Variants in MED27 observed in about 807,000 individuals in gnomAD.
MED27 encodes mediator of RNA polymerase II transcription subunit 27.
In MED27, 30 loss-of-function variants were observed where a neutral mutation model predicts 38.2. The observed-to-expected ratio is 0.79, with a 90% CI of 0.59 to 1.07. The LOEUF (loss-of-function observed/expected upper bound fraction) is 1.07. Among genes scored for constraint, MED27 ranks in the 50% least tolerant of loss-of-function variants. MED27 has a pLI of 0.00. For missense variants in MED27, 289 were observed against 397.5 expected (o/e 0.73, Z 2.32); for synonymous variants, 122 against 153.5 (o/e 0.79, Z 1.52).
intron 3 of MED27, among the ~76,000 whole-genome samples, chr9:132,010,629 A>G (rs1158664230): frequency 1.3e-5 from 2 of 152,262 alleles, no homozygotes; most frequent in East Asian, 3.8e-4. Context: ...CTTGGAACCA[A>G]CCTAAATGTC....
rs1343056662 is a variant in MED27, at chr9:131,917,118, AT to A, written c.573+22262del. On this transcript the variant is annotated intron_variant, in intron 4 of 7. Coordinates refer to ENST00000292035, the MANE Select transcript of MED27 (RefSeq NM_004269.4). This position sits in a 1 kb window ranked among gnomAD's most constrained non-coding sequence, Gnocchi z 4.6. ...AAGGAGCCCCTGGAAATGGGAAGGTATTTTTGCTTGTCACAGTAAGTCAGGG... is the reference window on the plus strand; with the variant it reads ...AAGGAGCCCCTGGAAATGGGAAGGTATTTTGCTTGTCACAGTAAGTCAGGG... 6.6e-6 allele frequency among the ~76,000 whole-genome samples: 1 copy of A among 152,140 alleles called. No individual in the cohort carries two copies. The highest frequency in any genetic ancestry group is 2.4e-5 in the African/African-American group (1 of 41,430).
At chr9:131,874,541 T>G (rs1589174567) in intron 6 of MED27, among the ~76,000 whole-genome samples, 1 of 148,310 alleles carries the variant, frequency 6.7e-6, no homozygotes, top group South Asian at 2.1e-4. Context: ...GGGAGCGGAG[T>G]GAGAGGGAAG....
At chr9:131,980,791 C>A (rs1831717255) in intron 3 of MED27, among the ~76,000 whole-genome samples, 1 of 151,906 alleles carries the variant, frequency 6.6e-6, no homozygotes. Context: ...AACCACTTCA[C>A]TGCTGCTCCA....
At chr9:132,076,580 T>C (rs1834053719) in intron 2 of MED27, among the ~76,000 whole-genome samples, 1 of 152,062 alleles carries the variant, frequency 6.6e-6, no homozygotes, top group South Asian at 2.1e-4. Context: ...AATGGATTAC[T>C]GGAGGGGGCA....
chr9:131,882,511 A>G (rs1014387118), intron 6 of MED27, among the ~76,000 whole-genome samples: 2 of 152,262 alleles, frequency 1.3e-5, no homozygotes, highest in African/African-American at 4.8e-5. Flanking sequence ...CACTGTGGAC[A>G]CAACCATTCT....
Position 131,997,557 on chromosome 9 carries a change from C to T in MED27, c.479+16780G>A, listed in dbSNP as rs1564317764. The stretch of plus-strand genomic sequence containing the variant: ...CTGCACTGTAGGCTGCCATCTCCCC[C>T]AGCAGTCCTGCTTCCTCCCACTTTC... On this transcript the variant is annotated intron_variant, in intron 3 of 7. Coordinates refer to ENST00000292035, the MANE Select transcript of MED27 (RefSeq NM_004269.4). This position sits in a 1 kb window ranked among gnomAD's most constrained non-coding sequence, Gnocchi z 4.0. Among the ~76,000 whole-genome samples the T allele has an allele frequency of 6.6e-6, 1 of 152,230 alleles. No individual in the cohort carries two copies. Among genetic ancestry groups the T allele is most frequent in the South Asian group, 2.1e-4 (1 of 4,836 alleles).
At chr9:131,902,858 C>T (rs769058548) in intron 4 of MED27, among the ~76,000 whole-genome samples, 7 of 152,178 alleles carry the variant, frequency 4.6e-5, no homozygotes, top group Non-Finnish European at 7.3e-5. Context: ...CAGAAACCAA[C>T]GTGCCAGCAA....
intron 2 of MED27, among the ~76,000 whole-genome samples, chr9:132,050,837 C>T (rs1417994712): frequency 6.6e-6 from 1 of 152,332 alleles, no homozygotes; most frequent in African/African-American, 2.4e-5. Context: ...TTTGTCTCCC[C>T]CGGCAGAATG....
intron 3 of MED27, among the ~76,000 whole-genome samples, chr9:131,961,465 G>A (rs186300509): frequency 6.6e-6 from 1 of 152,322 alleles, no homozygotes; most frequent in Admixed American, 6.5e-5. Context: ...GTTAAACAAC[G>A]TAAAGCATTT....
At chr9:131,884,166 T>G in intron 5 of MED27, 67 bp from the exon 6 acceptor site, 1 of 1,266,462 alleles carries the variant, frequency 7.9e-7, no homozygotes, top group Non-Finnish European at 1.1e-6. Context: ...GAAATAATAT[T>G]GTAACTACTG....
Position 132,079,675 on chromosome 9 carries a change from T to C in MED27, c.170A>G (p.Gln57Arg), listed in dbSNP as rs768022655. ...GREKAFIAHF[Q>R]DNLHSVNRDL... ...CCGGTTGACCGAATGTAAGTTGTCC[T>C]GGAAGTGCGCAATAAAGGCCTTCTC... The change falls in exon 1 of 8, where the codon CAG (glutamine) becomes CGG (arginine). Residue 57 changes from glutamine (Q) to arginine (R), a missense_variant. Coordinates refer to ENST00000292035, the MANE Select transcript of MED27 (RefSeq NM_004269.4). 12 of 1,612,792 alleles carry C rather than the reference T, an allele frequency of 7.4e-6. No individual in the cohort carries two copies. Among genetic ancestry groups the C allele is most frequent in the South Asian group, 1.1e-5 (1 of 91,022 alleles).
intron 4 of MED27, among the ~76,000 whole-genome samples, chr9:131,929,821 C>T (rs963833319): frequency 1.3e-5 from 2 of 152,246 alleles, no homozygotes; most frequent in Non-Finnish European, 2.9e-5. Flanking sequence ...GAACTTGCTA[C>T]CCTGAAAGGA....
At chr9:131,981,002 T>TC (rs1052457144) in intron 3 of MED27, among the ~76,000 whole-genome samples, 1 of 152,206 alleles carries the variant, frequency 6.6e-6, no homozygotes, top group Non-Finnish European at 1.5e-5. Context: ...CTCCAGGTTT[T>TC]CACACACACA....
intron 2 of MED27, among the ~76,000 whole-genome samples, chr9:132,029,618 C>T (rs138291698): frequency 3.0e-4 from 46 of 152,068 alleles, no homozygotes; most frequent in African/African-American, 1.1e-3. Context: ...AATAACTCTC[C>T]AATGAGCAAA....
intron 4 of MED27, among the ~76,000 whole-genome samples, chr9:131,925,127 T>C (rs754434625): frequency 2.4e-4 from 37 of 152,342 alleles, no homozygotes; most frequent in Non-Finnish European, 2.6e-4. Flanking sequence ...TAAGAACCAC[T>C]GTCCTAAACC....
intron 2 of MED27, among the ~76,000 whole-genome samples, chr9:132,065,075 T>C (rs1833779101): frequency 6.6e-6 from 1 of 152,196 alleles, no homozygotes; most frequent in Non-Finnish European, 1.5e-5. Flanking sequence ...GGATATTTCC[T>C]AGCAAAAAGC....
chr9:132,071,845 C>A (rs1210019002), intron 2 of MED27, among the ~76,000 whole-genome samples: 25 of 151,206 alleles, frequency 1.7e-4, no homozygotes, highest in Admixed American at 1.6e-3. Flanking sequence ...ATACACACAC[C>A]CCATGAACAA....
intron 5 of MED27, among the ~76,000 whole-genome samples, chr9:131,892,254 T>C (rs1438694487): frequency 4.6e-5 from 7 of 152,194 alleles, no homozygotes; most frequent in Non-Finnish European, 8.8e-5. Flanking sequence ...GGAAGCACCA[T>C]ACCTCTGAGA....
At chr9:131,910,961 T>A (rs1183850893) in intron 4 of MED27, among the ~76,000 whole-genome samples, 1 of 152,154 alleles carries the variant, frequency 6.6e-6, no homozygotes, top group East Asian at 1.9e-4. Context: ...ATTAATGCTC[T>A]TCATATACTC....
Sources: gnomAD v4.1 joint callset for allele counts (sites outside exome capture counted in the v4.1 genomes callset) on GRCh38, gnomAD v4.1.1 for gene constraint, Gnocchi (gnomAD v3.1) non-coding constraint, MANE v1.5 for transcripts, NCBI Gene and HGNC (gene_info 2026-07-23, HGNC 2026-07-21) for gene names.